Variants in RANBP2 observed in about 807,000 individuals in gnomAD.
RANBP2 encodes RAN binding protein 2.
Under a neutral mutation model 303.6 loss-of-function variants are expected in RANBP2, and 57 were observed. That is an observed-to-expected ratio of 0.19 (90% confidence interval 0.15 to 0.23). The LOEUF (loss-of-function observed/expected upper bound fraction) is 0.23, where lower values mean the gene tolerates loss of function less well. Among genes scored for constraint, RANBP2 ranks in the 10% least tolerant of loss-of-function variants. The probability of loss-of-function intolerance (pLI) is 1.00; values close to 1 mark genes in which losing one functional copy is unlikely to be tolerated. For missense variants in RANBP2, 3,138 were observed against 3,780.8 expected, an observed-to-expected ratio of 0.83 and a Z score of 4.46; for synonymous variants, 1,167 against 1,301.5, an observed-to-expected ratio of 0.90 and a Z score of 2.23.
chr2:108,788,391 G>A (rs1679292526), downstream of RANBP2, among the ~76,000 whole-genome samples: 1 of 149,610 alleles, frequency 6.7e-6, no homozygotes, highest in Non-Finnish European at 1.5e-5. Flanking sequence ...CTACACTCCA[G>A]CCTGGGCAAC....
the RANBP2 span, among the ~76,000 whole-genome samples, chr2:109,701,158 G>C: frequency 1.1e-4 from 16 of 152,290 alleles, no homozygotes; most frequent in Non-Finnish European, 1.9e-4. Context: ...AAGCACACGA[G>C]CCCAAACCCC....
At chr2:108,802,938 A>G in the RANBP2 span, among the ~76,000 whole-genome samples, 3 of 152,014 alleles carry the variant, frequency 2.0e-5, no homozygotes, top group South Asian at 6.2e-4. Context: ...ACATTTATTG[A>G]TTTGCGTATA....
At chr2:108,910,664 AG>A in the RANBP2 span, 50 of 1,430,416 alleles carry the variant, frequency 3.5e-5, no homozygotes, top group South Asian at 5.8e-4. Context: ...CGGTAAGCAC[AG>A]TATGGTTCAG....
At chr2:108,771,554 A>G (rs1409287122) in intron 20 of RANBP2, 147 bp from the exon 21 acceptor site, 30 of 1,361,152 alleles carry the variant, frequency 2.2e-5, no homozygotes, top group Admixed American at 1.1e-4. Flanking sequence ...CATGATTATC[A>G]TACATCTCTG....
the RANBP2 span, among the ~76,000 whole-genome samples, chr2:109,656,287 C>T: frequency 7.8e-4 from 119 of 152,214 alleles, 2 homozygotes; most frequent in South Asian, 0.019. Context: ...ATTGGAACCA[C>T]ATTCTGTCTT....
the RANBP2 span, among the ~76,000 whole-genome samples, chr2:109,344,915 ACAT>A: frequency 6.6e-6 from 1 of 152,112 alleles, no homozygotes; most frequent in Non-Finnish European, 1.5e-5. Flanking sequence ...ATCAGAGGGG[ACAT>A]CACAGGCACA....
chr2:109,493,659 A>G, the RANBP2 span, among the ~76,000 whole-genome samples: 2 of 151,462 alleles, frequency 1.3e-5, no homozygotes, highest in Admixed American at 6.6e-5. Context: ...ATACACACAC[A>G]TATTATACAA....
At chr2:109,614,957 C>A in the RANBP2 span, 2 of 1,526,584 alleles carry the variant, frequency 1.3e-6, no homozygotes, top group Non-Finnish European at 8.8e-7. Context: ...GCAGGAAGAA[C>A]TCGCGGCGCG....
chr2:109,551,041 A>G, the RANBP2 span, among the ~76,000 whole-genome samples: 3 of 152,238 alleles, frequency 2.0e-5, no homozygotes, highest in Non-Finnish European at 4.4e-5. Flanking sequence ...GGGAGGGTAT[A>G]TAGGAAATCC....
the RANBP2 span, among the ~76,000 whole-genome samples, chr2:109,194,685 AG>A: frequency 6.6e-6 from 1 of 152,198 alleles, no homozygotes; most frequent in South Asian, 2.1e-4. Flanking sequence ...AGGTTTCATC[AG>A]GGCAGGTGCT....
At chr2:109,062,743 T>C in the RANBP2 span, among the ~76,000 whole-genome samples, 1 of 151,860 alleles carries the variant, frequency 6.6e-6, no homozygotes, top group Admixed American at 6.6e-5. Flanking sequence ...GCAAGACTGC[T>C]CTGGAGTCCT....
chr2:108,847,403 C>G, the RANBP2 span, among the ~76,000 whole-genome samples: 8 of 152,264 alleles, frequency 5.3e-5, no homozygotes, highest in East Asian at 1.2e-3. Context: ...TATGGCCCCC[C>G]AAAGCCTATA....
the RANBP2 span, among the ~76,000 whole-genome samples, chr2:109,004,437 G>A: frequency 6.6e-6 from 1 of 152,232 alleles, no homozygotes; most frequent in Admixed American, 6.5e-5. Flanking sequence ...TCCTGAAGCA[G>A]ACACTCTGGG....
chr2:108,741,495 C>CTTTTT (rs34872068), intron 7 of RANBP2, among the ~76,000 whole-genome samples: 9 of 61,786 alleles, frequency 1.5e-4, no homozygotes, highest in African/African-American at 2.0e-4. Flanking sequence ...TGCGCCTGGC[C>CTTTTT]TTTTTTTTTT....
the RANBP2 span, among the ~76,000 whole-genome samples, chr2:109,611,537 C>T: frequency 3.9e-5 from 6 of 151,952 alleles, no homozygotes; most frequent in East Asian, 3.9e-4. Context: ...ACGGGAGGAT[C>T]GCTTGAGCCC....
chr2:109,009,105 C>T, the RANBP2 span, among the ~76,000 whole-genome samples: 3 of 151,620 alleles, frequency 2.0e-5, no homozygotes, highest in Admixed American at 6.6e-5. Flanking sequence ...TTTGGGAGGC[C>T]GAGGTGGGCG....
the RANBP2 span, among the ~76,000 whole-genome samples, chr2:109,113,831 G>A: frequency 6.6e-6 from 1 of 152,206 alleles, no homozygotes; most frequent in Non-Finnish European, 1.5e-5. Context: ...TTTATTGAGA[G>A]TTTTTAGCAT....
chr2:109,079,670 G>A, the RANBP2 span, among the ~76,000 whole-genome samples: 12 of 152,188 alleles, frequency 7.9e-5, no homozygotes, highest in African/African-American at 2.9e-4. Flanking sequence ...AGTGCTAAAC[G>A]CTGGAATATG....
the RANBP2 span, among the ~76,000 whole-genome samples, chr2:109,222,000 G>A: frequency 1.3e-5 from 2 of 152,006 alleles, no homozygotes; most frequent in African/African-American, 4.8e-5. Context: ...AAAACACAGG[G>A]GATACTATTC....
Sources: allele counts gnomAD v4.1 joint callset (sites outside exome capture counted in the v4.1 genomes callset), GRCh38; gene constraint gnomAD v4.1.1; transcripts MANE v1.5; gene names NCBI Gene and HGNC (gene_info 2026-07-23, HGNC 2026-07-21).